PLXNA4: variants seen among roughly 807,000 people sequenced by gnomAD.
PLXNA4 encodes the protein plexin A4, also known as plexin-A4.
PLXNA4 carries 44 observed loss-of-function variants against 191.8 expected under a neutral mutation model. The ratio of observed to expected loss-of-function variants is 0.23; its 90% CI spans 0.18 to 0.29. The LOEUF (loss-of-function observed/expected upper bound fraction) is 0.29. Among genes scored for constraint, PLXNA4 ranks in the 10% least tolerant of loss-of-function variants. The pLI is 1.00. For synonymous variants in PLXNA4, 1,082 were observed against 1,009.5 expected (o/e 1.07, Z -1.36); for missense variants, 1,800 against 2,488.8 (o/e 0.72, Z 5.89).
At position 132,187,521 on chromosome 7, in the gene PLXNA4, G is replaced by A. The variant is rs770048741; in HGVS notation, c.2943C>T (p.Ala981=). Reference sequence around the variant, plus strand: ...CAAACATCACCACCACGTTGCTTCCGGCATTCAGGTTGGTGCCTGTGATGG... The same window carrying A: ...CAAACATCACCACCACGTTGCTTCCAGCATTCAGGTTGGTGCCTGTGATGG... ...QVTITGTNLN[A]GSNVVVMFGK... is the part of the protein sequence containing the mutation. The change falls in exon 15 of 32, where the codon GCC becomes GCT. Residue 981 remains alanine, a synonymous_variant. Coordinates refer to ENST00000321063, the MANE Select transcript of PLXNA4 (RefSeq NM_020911.2). The A allele has an allele frequency of 3.5e-5, 57 of 1,613,970 alleles. No individual in the cohort carries two copies. Among genetic ancestry groups the A allele is most frequent in the East Asian group, 6.7e-5 (3 of 44,880 alleles).
At chr7:132,300,703 T>A (rs901348014) in intron 3 of PLXNA4, among the ~76,000 whole-genome samples, 1 of 152,252 alleles carries the variant, frequency 6.6e-6, no homozygotes, top group African/African-American at 2.4e-5. Context: ...AATGATGGCC[T>A]TGGCCCCTGG....
rs574960393 is a variant in PLXNA4 at position 132,173,999 on chromosome 7, C to T, written c.4017+779G>A. On this transcript the variant is annotated intron_variant, in intron 21 of 31. Transcript: ENST00000321063. ...TTAGTTTTGTCACCTGTATAATGGGCTTACTTACTTCAGAGGCTTCTTGGG... is the reference window on the plus strand; with the variant it reads ...TTAGTTTTGTCACCTGTATAATGGGTTTACTTACTTCAGAGGCTTCTTGGG... Among the ~76,000 whole-genome samples, 12 of 152,290 alleles carry T rather than the reference C, an allele frequency of 7.9e-5. No homozygotes were observed. In the South Asian group the frequency reaches 2.3e-3, roughly 29 times the overall value.
At chr7:132,300,536 T>C (rs972532473) in intron 3 of PLXNA4, among the ~76,000 whole-genome samples, 3 of 152,248 alleles carry the variant, frequency 2.0e-5, no homozygotes, top group African/African-American at 7.2e-5. Flanking sequence ...TCGTGGTTAG[T>C]GTCAAAAATG....
chr7:132,642,276 A>G (rs2116892208), intron 2 of PLXNA4, among the ~76,000 whole-genome samples: 1 of 152,182 alleles, frequency 6.6e-6, no homozygotes, highest in African/African-American at 2.4e-5. Flanking sequence ...AAATATAGTA[A>G]ATTATGATTA....
rs1192482447 is a variant in PLXNA4 at position 132,181,619 on chromosome 7, A to T, written c.3254T>A (p.Ile1085Asn). 3.7e-6 allele frequency: 6 copies of T among 1,613,722 alleles called. No individual in the cohort carries two copies. The Admixed American group carries it at 1.0e-4, about 27-fold the overall frequency. Reference protein sequence around the residue: ...AKHGGKEHINICEVLNATEMT... With the variant: ...AKHGGKEHINNCEVLNATEMT... ...CTCAGTAGCGTTCAGAACCTCACAG[A>T]TCTGTGGGAGGAGCCACAGAGTGGA... Residue 1085 changes from isoleucine (I) to asparagine (N), a missense_variant and splice_region_variant, in exon 18 of 32, where the codon ATC becomes AAC. By Grantham distance (149) the Ile-to-Asn change is moderately radical (BLOSUM62 -3). Transcript: ENST00000321063.
At chr7:132,172,544 A>G (rs114880104) in intron 21 of PLXNA4, among the ~76,000 whole-genome samples, 3,108 of 151,118 alleles carry the variant, frequency 0.021, 93 homozygotes, top group African/African-American at 0.073. Flanking sequence ...TACTTAGAAC[A>G]CCAAGGGGGA....
intron 1 of PLXNA4, among the ~76,000 whole-genome samples, chr7:132,543,193 A>G (rs1360416493): frequency 6.6e-6 from 1 of 152,200 alleles, no homozygotes; most frequent in Non-Finnish European, 1.5e-5. Flanking sequence ...ATCCCATTTC[A>G]GAAATTGTCA....
At chr7:132,597,462 A>C (rs997085162) in intron 2 of PLXNA4, among the ~76,000 whole-genome samples, 10 of 152,194 alleles carry the variant, frequency 6.6e-5, no homozygotes, top group African/African-American at 1.2e-4. Context: ...CCTAGTGGCC[A>C]TATTTAATCA....
At chr7:132,165,515 T>A (rs1186512325) in intron 22 of PLXNA4, among the ~76,000 whole-genome samples, 2 of 152,214 alleles carry the variant, frequency 1.3e-5, no homozygotes, top group Non-Finnish European at 2.9e-5. Flanking sequence ...AAATTTTCTC[T>A]ACCTGTGCCA....
intron 1 of PLXNA4, among the ~76,000 whole-genome samples, chr7:132,527,610 T>C (rs1325978801): frequency 6.7e-6 from 1 of 149,990 alleles, no homozygotes; most frequent in Non-Finnish European, 1.5e-5. Flanking sequence ...CTAACAAGAT[T>C]CAGTCCAAAG....
intron 21 of PLXNA4, among the ~76,000 whole-genome samples, chr7:132,170,721 C>G (rs1471064699): frequency 1.3e-5 from 2 of 152,240 alleles, no homozygotes; most frequent in Non-Finnish European, 2.9e-5. Flanking sequence ...GCTCTGTGAG[C>G]CAGCCCTGCA....
intron 3 of PLXNA4, among the ~76,000 whole-genome samples, chr7:132,298,685 T>C (rs753873675): frequency 7.2e-5 from 11 of 152,270 alleles, no homozygotes; most frequent in Non-Finnish European, 1.5e-4. Flanking sequence ...TTGCTGTTCC[T>C]TGAAGGTGAA....
intron 2 of PLXNA4, among the ~76,000 whole-genome samples, chr7:132,592,844 T>G (rs1460767224): frequency 1.3e-5 from 2 of 151,784 alleles, no homozygotes; most frequent in African/African-American, 4.8e-5. Context: ...ACGTGCCTTT[T>G]TTTTTCCAGA....
chr7:132,518,705 T>C (rs947373068), intron 1 of PLXNA4, among the ~76,000 whole-genome samples: 6 of 152,150 alleles, frequency 3.9e-5, no homozygotes, highest in African/African-American at 1.4e-4. Flanking sequence ...GGAGAAGTGA[T>C]TACCATGGAC....
rs562032482 is a variant in PLXNA4, at chr7:132,399,664, G to A, written c.1371+89628C>T. ...AGGTCACACATCTGTGCTTTGGAGG[G>A]CAGAGCTGCAGGGCCACAGGTATAT... On this transcript the variant is annotated intron_variant, in intron 3 of 31. Transcript: ENST00000321063. Among the ~76,000 whole-genome samples, 27 of 152,316 alleles carry A rather than the reference G, an allele frequency of 1.8e-4. No individual in the cohort carries two copies. In the Middle Eastern group the frequency reaches 0.01, roughly 58 times the overall value.
At chr7:132,613,440 C>T (rs542250801) in intron 2 of PLXNA4, among the ~76,000 whole-genome samples, 5 of 152,298 alleles carry the variant, frequency 3.3e-5, no homozygotes, top group African/African-American at 9.6e-5. Flanking sequence ...TCACTGTCCC[C>T]ATTAGATTTT....
chr7:132,610,139 C>T (rs981550290), intron 2 of PLXNA4, among the ~76,000 whole-genome samples: 1 of 152,178 alleles, frequency 6.6e-6, no homozygotes, highest in Non-Finnish European at 1.5e-5. Context: ...ATTTATGGAA[C>T]ACTTCCAAGA....
intron 4 of PLXNA4, among the ~76,000 whole-genome samples, chr7:132,258,445 GC>G (rs1799508991): frequency 6.6e-6 from 1 of 152,214 alleles, no homozygotes; most frequent in Admixed American, 6.5e-5. Flanking sequence ...GCCGTTGCTG[GC>G]AGTGGCTGCT....
chr7:132,438,262 G>T (rs1402454797), intron 3 of PLXNA4, among the ~76,000 whole-genome samples: 1 of 152,198 alleles, frequency 6.6e-6, no homozygotes, highest in East Asian at 1.9e-4. Context: ...CCTCATCTAT[G>T]AGGTGTAGAT....
Sources: allele counts gnomAD v4.1 joint callset (sites outside exome capture counted in the v4.1 genomes callset), GRCh38; gene constraint gnomAD v4.1.1; transcripts MANE v1.5; gene names NCBI Gene and HGNC (gene_info 2026-07-23, HGNC 2026-07-21).